The following RYR2 variants were observed in gnomAD, a reference collection of about 807,000 sequenced individuals.
RYR2 encodes cardiac muscle ryanodine receptor-calcium release channel.
RYR2 carries 227 observed loss-of-function variants against 601.1 expected under a neutral mutation model. That is an observed-to-expected ratio of 0.38 (90% CI 0.34 to 0.42). The LOEUF (loss-of-function observed/expected upper bound fraction) is 0.42, where lower values mean the gene tolerates loss of function less well. Ranked by LOEUF, RYR2 falls within the 10% of genes least tolerant of loss-of-function variation. RYR2 has a pLI of 1.00. For synonymous variants in RYR2, 2,223 were observed against 2,175.1 expected, an observed-to-expected ratio of 1.02 and a Z score of -0.61; for missense variants, 4,646 against 6,156.5, an observed-to-expected ratio of 0.75 and a Z score of 8.21.
intron 2 of RYR2, among the ~76,000 whole-genome samples, chr1:237,289,349 G>C (rs1408374122): frequency 6.6e-6 from 1 of 152,116 alleles, no homozygotes; most frequent in Non-Finnish European, 1.5e-5. Context: ...GTTTGTATTA[G>C]TCCTTTCTCA....
chr1:237,131,452 G>A (rs1425391087), intron 1 of RYR2, among the ~76,000 whole-genome samples: 1 of 152,130 alleles, frequency 6.6e-6, no homozygotes, highest in African/African-American at 2.4e-5. Flanking sequence ...AAATAAAATA[G>A]TCAACAGAAA....
intron 1 of RYR2, among the ~76,000 whole-genome samples, chr1:237,130,344 C>T (rs893121801): frequency 2.0e-5 from 3 of 152,108 alleles, no homozygotes; most frequent in African/African-American, 7.2e-5. Context: ...CCCTAGAGAA[C>T]TACATAACTA....
intron 14 of RYR2, among the ~76,000 whole-genome samples, chr1:237,450,959 A>G (rs1558839478): frequency 6.6e-6 from 1 of 152,040 alleles, no homozygotes; most frequent in Non-Finnish European, 1.5e-5. Context: ...CTTTAGTTGT[A>G]TTATTTAACT....
chr1:237,086,813 T>A (rs1208835014), intron 1 of RYR2, among the ~76,000 whole-genome samples: 1 of 152,160 alleles, frequency 6.6e-6, no homozygotes, highest in East Asian at 1.9e-4. Flanking sequence ...ATATTGGGCC[T>A]TCACTCTCCA....
chr1:237,107,978 T>TC (rs1034153961), intron 1 of RYR2, among the ~76,000 whole-genome samples: 10 of 152,186 alleles, frequency 6.6e-5, no homozygotes, highest in African/African-American at 2.4e-4. Flanking sequence ...GTAAAAAGGT[T>TC]CCGGTCCTGA....
intron 45 of RYR2, among the ~76,000 whole-genome samples, 168 bp downstream of exon 45, chr1:237,638,660 A>G (rs1288152882): frequency 6.6e-6 from 1 of 152,236 alleles, no homozygotes; most frequent in Non-Finnish European, 1.5e-5. Flanking sequence ...ATATTTGTTT[A>G]CATACTTCTT....
intron 1 of RYR2, among the ~76,000 whole-genome samples, chr1:237,104,449 T>C (rs1053185577): frequency 1.3e-5 from 2 of 152,178 alleles, no homozygotes; most frequent in African/African-American, 4.8e-5. Context: ...CACCTTTCCC[T>C]GTCTCCTTGT....
chr1:237,327,602 G>C (rs975166589), intron 2 of RYR2, among the ~76,000 whole-genome samples: 2 of 152,154 alleles, frequency 1.3e-5, no homozygotes, highest in Admixed American at 6.5e-5. Flanking sequence ...TTATAGATTT[G>C]TGTTTTCAAA....
intron 42 of RYR2, among the ~76,000 whole-genome samples, chr1:237,632,856 C>T (rs1291120700): frequency 6.6e-6 from 1 of 152,108 alleles, no homozygotes; most frequent in Non-Finnish European, 1.5e-5. Context: ...TTTCACAATA[C>T]TGAAATAAGC....
intron 1 of RYR2, among the ~76,000 whole-genome samples, chr1:237,164,974 CTTTT>C (rs33976720): frequency 0.064 from 9,468 of 148,258 alleles, 889 homozygotes; most frequent in African/African-American, 0.21. Flanking sequence ...GCTGTTTATT[CTTTT>C]TTTTTTTTTT....
chr1:237,524,841 T>C (rs1185045539), intron 24 of RYR2, among the ~76,000 whole-genome samples: 1 of 152,166 alleles, frequency 6.6e-6, no homozygotes, highest in Admixed American at 6.5e-5. Context: ...TGTTGAGACC[T>C]TTCACTGATT....
chr1:237,134,050 C>G (rs918083691), intron 1 of RYR2, among the ~76,000 whole-genome samples: 12 of 152,080 alleles, frequency 7.9e-5, no homozygotes, highest in Admixed American at 2.6e-4. Flanking sequence ...TCTGAAGTAC[C>G]AAGCTCACTA....
chr1:237,556,694 A>G (rs1403521785), intron 27 of RYR2, among the ~76,000 whole-genome samples: 3 of 151,900 alleles, frequency 2.0e-5, no homozygotes, highest in Non-Finnish European at 4.4e-5. Context: ...TTTTTGTCTT[A>G]TGTAGCTCTC....
chr1:237,219,412 A>G (rs528990034), intron 1 of RYR2, among the ~76,000 whole-genome samples: 116 of 152,324 alleles, frequency 7.6e-4, no homozygotes, highest in South Asian at 6.8e-3. Context: ...GGAGGACATT[A>G]TGGCTCCATT....
intron 78 of RYR2, among the ~76,000 whole-genome samples, chr1:237,732,462 C>G (rs1690776959): frequency 6.6e-6 from 1 of 152,000 alleles, no homozygotes. Flanking sequence ...ACAAAAGAAC[C>G]AAAGCAAATT....
chr1:237,773,412 C>T, intron 86 of RYR2, 108 bp from the exon 87 acceptor site: 1 of 667,184 alleles, frequency 1.5e-6, no homozygotes, highest in Non-Finnish European at 2.5e-6. Flanking sequence ...TGTTTGCTAC[C>T]ATATCTATTA....
intron 10 of RYR2, among the ~76,000 whole-genome samples, chr1:237,389,995 G>T (rs1189325250): frequency 6.6e-6 from 1 of 152,178 alleles, no homozygotes; most frequent in East Asian, 1.9e-4. Flanking sequence ...AGGGGGCTGA[G>T]GATGGATTCC....
chr1:237,072,048 G>A (rs1191525009), intron 1 of RYR2, among the ~76,000 whole-genome samples: 1 of 152,226 alleles, frequency 6.6e-6, no homozygotes, highest in Non-Finnish European at 1.5e-5. Flanking sequence ...GGGGAAGAGG[G>A]TGTCCTGGGC....
chr1:237,690,084 A>G (rs1686806012), intron 63 of RYR2, among the ~76,000 whole-genome samples: 1 of 152,088 alleles, frequency 6.6e-6, no homozygotes, highest in East Asian at 1.9e-4. Flanking sequence ...TGATCTGCCC[A>G]CCTCGGTCTG....
Sources: allele counts gnomAD v4.1 joint callset (sites outside exome capture counted in the v4.1 genomes callset), GRCh38; gene constraint gnomAD v4.1.1; transcripts MANE v1.5; gene names NCBI Gene and HGNC (gene_info 2026-07-23, HGNC 2026-07-21).